The following ITGA8 variants were observed in gnomAD, a reference collection of about 807,000 sequenced individuals.
ITGA8 encodes integrin alpha-8.
In ITGA8, 91 loss-of-function variants were observed where a neutral mutation model predicts 142.3. The ratio of observed to expected loss-of-function variants is 0.64; its 90% confidence interval spans 0.54 to 0.76. The LOEUF is 0.76. Ranked by LOEUF, ITGA8 falls within the 30% of genes least tolerant of loss-of-function variation. The pLI is 0.00. For synonymous variants in ITGA8, 505 were observed against 485.2 expected (o/e 1.04, Z -0.54); for missense variants, 1,406 against 1,327.7 (o/e 1.06, Z -0.92).
chr10:15,563,494 C>T (rs911791616), intron 25 of ITGA8, among the ~76,000 whole-genome samples: 2 of 152,126 alleles, frequency 1.3e-5, no homozygotes, highest in Admixed American at 6.5e-5. Flanking sequence ...GAGGTTAACT[C>T]TGTGGTTAAC....
At position 15,719,822 on chromosome 10, in the gene ITGA8, C is replaced by A. The variant is rs1203888668; in HGVS notation, c.-51G>T. On this transcript the variant is annotated 5_prime_UTR_variant, in exon 1 of 30. Transcript: ENST00000378076. ...CTACCCAGGAGCGCGAGCCGAGGAC[C>A]CCTGCGGGGCAAGGGGGGCTGGTGG... 1.6e-6 allele frequency: 2 copies of A among 1,270,550 alleles called. No homozygotes were observed. The highest frequency in any genetic ancestry group is 1.6e-5 in the African/African-American group (1 of 63,430). The allele number at this position is 1,270,550 out of a possible 1,614,324, so 78.7% of individuals were successfully genotyped here. A position where few individuals can be genotyped will look rare whatever the true frequency, so the allele number is the denominator to read the frequency against.
At chr10:15,677,524 C>G in intron 6 of ITGA8, 68 bp downstream of exon 6, 1 of 1,252,088 alleles carries the variant, frequency 8.0e-7, no homozygotes, top group Non-Finnish European at 1.1e-6. Context: ...ACATTTAACA[C>G]TACTTCTGGG....
intron 21 of ITGA8, among the ~76,000 whole-genome samples, 155 bp from the exon 22 acceptor site, chr10:15,592,459 A>G (rs1271128709): frequency 6.6e-6 from 1 of 152,216 alleles, no homozygotes; most frequent in East Asian, 1.9e-4. Flanking sequence ...AAGTCATGCA[A>G]TGAACTACAG....
At chr10:15,536,092 C>T (rs1211786795) in intron 27 of ITGA8, among the ~76,000 whole-genome samples, 2 of 152,054 alleles carry the variant, frequency 1.3e-5, no homozygotes, top group African/African-American at 4.8e-5. Flanking sequence ...GGAACAAACT[C>T]TGGACACGCT....
intron 23 of ITGA8, among the ~76,000 whole-genome samples, chr10:15,582,527 A>G (rs140752193): frequency 6.6e-6 from 1 of 152,342 alleles, no homozygotes; most frequent in African/African-American, 2.4e-5. Flanking sequence ...CGCGGGACAC[A>G]TATTTGGTAA....
chr10:15,660,728 T>A (rs1398752349), intron 9 of ITGA8, 151 bp downstream of exon 9: 1 of 652,392 alleles, frequency 1.5e-6, no homozygotes, highest in African/African-American at 1.8e-5. Flanking sequence ...GTAGGTTAGG[T>A]AAGCTATGAT....
chr10:15,558,709 T>C (rs968457489), intron 25 of ITGA8, among the ~76,000 whole-genome samples: 4 of 152,116 alleles, frequency 2.6e-5, no homozygotes, highest in Non-Finnish European at 5.9e-5. Flanking sequence ...CCTGCACTCC[T>C]TTAGGAGAAA....
intron 13 of ITGA8, among the ~76,000 whole-genome samples, chr10:15,640,737 A>C (rs1833856021): frequency 6.6e-6 from 1 of 152,336 alleles, no homozygotes; most frequent in South Asian, 2.1e-4. Context: ...AGAAACCTGA[A>C]TACCCAGCCT....
chr10:15,559,244 G>T (rs1224715057), intron 25 of ITGA8, among the ~76,000 whole-genome samples: 3 of 152,152 alleles, frequency 2.0e-5, no homozygotes, highest in Non-Finnish European at 4.4e-5. Flanking sequence ...CCTCTTCTCT[G>T]ACCAAGAACC....
intron 22 of ITGA8, among the ~76,000 whole-genome samples, chr10:15,589,300 C>G (rs45454597): frequency 0.013 from 1,933 of 152,242 alleles, 27 homozygotes; most frequent in Non-Finnish European, 0.015. Context: ...GCAAAGATAA[C>G]ACAGTATTCA....
At chr10:15,665,012 A>G (rs1157259757) in intron 8 of ITGA8, among the ~76,000 whole-genome samples, 1 of 152,160 alleles carries the variant, frequency 6.6e-6, no homozygotes, top group Non-Finnish European at 1.5e-5. Context: ...ATGATTTATA[A>G]TCCTTTGGGT....
At chr10:15,692,109 T>C (rs1588728136) in intron 2 of ITGA8, among the ~76,000 whole-genome samples, 1 of 152,100 alleles carries the variant, frequency 6.6e-6, no homozygotes, top group East Asian at 1.9e-4. Context: ...GGCTTTTTTT[T>C]CTTGGTAGAG....
chr10:15,534,198 C>A (rs1197375577), intron 27 of ITGA8, among the ~76,000 whole-genome samples: 1 of 152,172 alleles, frequency 6.6e-6, no homozygotes, highest in Admixed American at 6.5e-5. Flanking sequence ...GCGTGTGCCA[C>A]CATGCCCAGC....
At chr10:15,687,775 T>G (rs765112913) in intron 3 of ITGA8, among the ~76,000 whole-genome samples, 163 bp downstream of exon 3, 17 of 152,354 alleles carry the variant, frequency 1.1e-4, no homozygotes, top group Non-Finnish European at 2.1e-4. Flanking sequence ...TAAAATACAT[T>G]CTTTAATTTT....
intron 13 of ITGA8, among the ~76,000 whole-genome samples, chr10:15,626,106 C>T (rs1833576753): frequency 6.6e-6 from 1 of 152,228 alleles, no homozygotes; most frequent in Non-Finnish European, 1.5e-5. Flanking sequence ...AGCTTCCTTG[C>T]ATGTTGTATA....
chr10:15,607,648 G>A (rs751450075), intron 17 of ITGA8, 29 bp downstream of exon 17: 7 of 1,604,808 alleles, frequency 4.4e-6, no homozygotes, highest in Non-Finnish European at 5.1e-6. Context: ...GAAGGAGAGA[G>A]GCCAGAGAAG....
rs548717804 is a variant in ITGA8 at position 15,664,960 on chromosome 10, G to A, written c.848-4038C>T. ...TTCCAAGTCTTTGCTATTGTGAATAGAGCCGCAATAAACATAGGTGTGCAT... is the reference window on the plus strand; with the variant it reads ...TTCCAAGTCTTTGCTATTGTGAATAAAGCCGCAATAAACATAGGTGTGCAT... On this transcript the variant is annotated intron_variant, in intron 8 of 29. Transcript: ENST00000378076. Among the ~76,000 whole-genome samples the A allele has an allele frequency of 3.1e-3, 478 of 152,190 alleles. 2 individuals are homozygous for A. Among genetic ancestry groups the A allele is most frequent in the African/African-American group, 0.011 (446 of 41,514 alleles).
intron 29 of ITGA8, 147 bp from the exon 30 acceptor site, chr10:15,517,391 C>T: frequency 2.1e-6 from 1 of 482,668 alleles, no homozygotes; most frequent in Non-Finnish European, 3.7e-6. Flanking sequence ...GTGGCGTGAT[C>T]TTGGCTCACT....
At chr10:15,679,621 A>C (rs912963926) in intron 4 of ITGA8, among the ~76,000 whole-genome samples, 1 of 152,240 alleles carries the variant, frequency 6.6e-6, no homozygotes, top group African/African-American at 2.4e-5. Flanking sequence ...CTATTATAAT[A>C]GGCTAGGTAA....
Sources: gnomAD v4.1 joint callset for allele counts (sites outside exome capture counted in the v4.1 genomes callset) on GRCh38, gnomAD v4.1.1 for gene constraint, MANE v1.5 for transcripts, NCBI Gene and HGNC (gene_info 2026-07-23, HGNC 2026-07-21) for gene names.